The following AEBP2 variants were observed in gnomAD, a reference collection of about 807,000 sequenced individuals.
AEBP2 encodes zinc finger protein AEBP2.
AEBP2 carries 10 observed loss-of-function variants against 50.8 expected under a neutral mutation model. The ratio of observed to expected loss-of-function variants is 0.20; its 90% confidence interval spans 0.12 to 0.33. The LOEUF (loss-of-function observed/expected upper bound fraction) is 0.33, where lower values mean the gene tolerates loss of function less well. AEBP2 is among the 10% of genes least tolerant of loss of function. The pLI is 1.00. For synonymous variants in AEBP2, 296 were observed against 261.3 expected (o/e 1.13, Z -1.28); for missense variants, 570 against 688.0 (o/e 0.83, Z 1.92).
intron 5 of AEBP2, chr12:19,508,874 C>T (rs761605873): frequency 2.1e-5 from 5 of 240,800 alleles, no homozygotes; most frequent in Non-Finnish European, 4.3e-5. Context: ...TCTTCTTCCT[C>T]TTCCGGAACG....
chr12:19,518,184 T>G lies in AEBP2; in HGVS notation c.*67T>G. On this transcript the variant is annotated 3_prime_UTR_variant, in exon 8 of 8. Transcript: ENST00000266508. ...TGCAGTCTTAGTCACTGACAATGGG[T>G]TTAGGGAAAGTTGCACATTAGAGTC... 1 of 1,477,276 alleles carries G rather than the reference T, an allele frequency of 6.8e-7. No individual in the cohort carries two copies. The highest frequency in any genetic ancestry group is 8.9e-7 in the Non-Finnish European group (1 of 1,117,326). 91.5% of individuals were successfully genotyped at this position (1,477,276 alleles called of 1,614,324 possible).
chr12:19,434,136 C>T (rs777684693), intron 1 of AEBP2, among the ~76,000 whole-genome samples: 9 of 150,882 alleles, frequency 6.0e-5, no homozygotes, highest in Non-Finnish European at 8.9e-5. Context: ...TGAGCCACTG[C>T]GCCCAGCCAA....
At chr12:19,439,257 A>G (rs551330142), upstream of AEBP2, among the ~76,000 whole-genome samples, 8 of 152,200 alleles carry the variant, frequency 5.3e-5, no homozygotes, top group South Asian at 4.1e-4. Flanking sequence ...TATCGTGAGA[A>G]CTCGGAAGGC....
chr12:19,487,736 AAG>A (rs1413210765), intron 3 of AEBP2, among the ~76,000 whole-genome samples: 3 of 152,108 alleles, frequency 2.0e-5, no homozygotes, highest in Non-Finnish European at 4.4e-5. Flanking sequence ...AAGAAAAAAA[AAG>A]AGTGAAAAAA....
intron 1 of AEBP2, among the ~76,000 whole-genome samples, chr12:19,417,521 C>A (rs1202546832): frequency 3.9e-5 from 6 of 152,094 alleles, no homozygotes; most frequent in Non-Finnish European, 8.8e-5. Context: ...ATTCTCCTGC[C>A]TCAGCCTCCC....
intron 1 of AEBP2, chr12:19,457,796 T>C: frequency 2.7e-6 from 1 of 373,024 alleles, no homozygotes. Context: ...TTAGAAATGC[T>C]TTATCTCAGG....
intron 1 of AEBP2, among the ~76,000 whole-genome samples, chr12:19,414,302 C>G (rs148302349): frequency 6.6e-6 from 1 of 152,058 alleles, no homozygotes; most frequent in South Asian, 2.1e-4. Context: ...CTCATTTTAC[C>G]CAGCTCCTAT....
At chr12:19,437,466 A>G (rs1947872290), upstream of AEBP2, among the ~76,000 whole-genome samples, 1 of 152,048 alleles carries the variant, frequency 6.6e-6, no homozygotes, top group African/African-American at 2.4e-5. Context: ...CTCAACCTCC[A>G]GGGCTCAAGT....
At chr12:19,502,798 A>G (rs1188990272) in intron 5 of AEBP2, among the ~76,000 whole-genome samples, 3 of 151,796 alleles carry the variant, frequency 2.0e-5, no homozygotes, top group East Asian at 3.9e-4. Flanking sequence ...ACAGGCGTGT[A>G]CCACCACGCC....
At chr12:19,473,919 G>A (rs960339756) in intron 3 of AEBP2, among the ~76,000 whole-genome samples, 1 of 152,082 alleles carries the variant, frequency 6.6e-6, no homozygotes, top group Non-Finnish European at 1.5e-5. Flanking sequence ...CTTGAAAATA[G>A]CTAGTGGGTA....
chr12:19,479,957 C>T (rs1415902650), intron 3 of AEBP2, among the ~76,000 whole-genome samples: 1 of 151,754 alleles, frequency 6.6e-6, no homozygotes, highest in Non-Finnish European at 1.5e-5. Context: ...TTAAATGTAG[C>T]ATTTAGGCCA....
At chr12:19,446,409 C>T (rs1306141644) in intron 1 of AEBP2, among the ~76,000 whole-genome samples, 2 of 152,166 alleles carry the variant, frequency 1.3e-5, no homozygotes, top group East Asian at 3.9e-4. Flanking sequence ...CCTAGGGGTT[C>T]GAGACCAGCC....
chr12:19,508,753 C>CA (rs1345986942), intron 5 of AEBP2, among the ~76,000 whole-genome samples: 25 of 152,056 alleles, frequency 1.6e-4, no homozygotes, highest in African/African-American at 3.9e-4. Flanking sequence ...CCAACTACAG[C>CA]AAAAAACTCC....
intron 1 of AEBP2, among the ~76,000 whole-genome samples, chr12:19,407,565 G>A (rs1311118779): frequency 3.3e-5 from 5 of 152,092 alleles, no homozygotes. Flanking sequence ...GCCTCCCAAA[G>A]TGCTGGTATT....
chr12:19,472,252 TAC>T (rs1278519734), intron 2 of AEBP2, among the ~76,000 whole-genome samples: 1 of 152,308 alleles, frequency 6.6e-6, no homozygotes, highest in Middle Eastern at 3.4e-3. Context: ...TGTAGTATAT[TAC>T]AGTCTTCAAA....
chr12:19,487,916 CAT>C (rs1948835534), intron 3 of AEBP2, among the ~76,000 whole-genome samples: 1 of 151,918 alleles, frequency 6.6e-6, no homozygotes, highest in South Asian at 2.1e-4. Flanking sequence ...GTTGAGATCT[CAT>C]GTTTGTTTTG....
intron 1 of AEBP2, among the ~76,000 whole-genome samples, chr12:19,453,277 G>A (rs561043458): frequency 1.1e-4 from 17 of 150,550 alleles, no homozygotes; most frequent in African/African-American, 3.7e-4. Flanking sequence ...CCGACTTAAC[G>A]TACTTTCTTA....
intron 1 of AEBP2, among the ~76,000 whole-genome samples, chr12:19,411,890 A>C (rs1056632275): frequency 6.6e-6 from 1 of 152,258 alleles, no homozygotes; most frequent in African/African-American, 2.4e-5. Flanking sequence ...GACTCAGACC[A>C]TGTACAGTGA....
intron 3 of AEBP2, among the ~76,000 whole-genome samples, chr12:19,487,381 T>G (rs1237998359): frequency 6.6e-6 from 1 of 152,098 alleles, no homozygotes; most frequent in Non-Finnish European, 1.5e-5. Flanking sequence ...TTTTGTAAAA[T>G]TATTACCACT....
Sources: allele counts gnomAD v4.1 joint callset (sites outside exome capture counted in the v4.1 genomes callset), GRCh38; gene constraint gnomAD v4.1.1; transcripts MANE v1.5; gene names NCBI Gene and HGNC (gene_info 2026-07-23, HGNC 2026-07-21).